Variants in ANKRD40CL observed in about 807,000 individuals in gnomAD.
ANKRD40CL encodes ANKRD40 C-terminal like, also known as putative ANKRD40 C-terminal-like protein.
For synonymous variants in ANKRD40CL, 5 were observed against 2.3 expected (o/e 2.14, Z -1.04); for missense variants, 11 against 6.4 (o/e 1.71, Z -0.77).
chr17:50,762,622 G>T (rs561640725), intron 3 of ANKRD40CL, among the ~76,000 whole-genome samples: 3 of 152,060 alleles, frequency 2.0e-5, no homozygotes, highest in South Asian at 4.2e-4. Flanking sequence ...AAGCTTTAAA[G>T]AAAAATTTCC....
chr17:50,767,325 A>T (rs1362808237), intron 1 of ANKRD40CL, 138 bp downstream of exon 1: 1 of 379,756 alleles, frequency 2.6e-6, no homozygotes, highest in Non-Finnish European at 5.1e-6. Context: ...GGTAGCTTCT[A>T]CACCAGGGGT....
At chr17:50,762,798 G>A (rs2057774819) in intron 3 of ANKRD40CL, 1 of 150,358 alleles carries the variant, frequency 6.7e-6, no homozygotes, top group African/African-American at 2.4e-5. Context: ...TTTTTTTCCT[G>A]AGGACTATGC....
At chr17:50,763,781 T>A (rs1003416617) in intron 2 of ANKRD40CL, 10 of 384,884 alleles carry the variant, frequency 2.6e-5, no homozygotes, top group Non-Finnish European at 4.6e-5. Flanking sequence ...CCCCATTATA[T>A]CCACTGAAGA....
At chr17:50,764,035 C>A (rs1019897800) in intron 2 of ANKRD40CL, 21 of 396,986 alleles carry the variant, frequency 5.3e-5, no homozygotes, top group Non-Finnish European at 6.2e-5. Flanking sequence ...ATTCTACCAT[C>A]TTTCAGGACA....
chr17:50,761,613 G>GT (rs375103532), intron 3 of ANKRD40CL, 107 bp from the exon 4 acceptor site: 57 of 372,632 alleles, frequency 1.5e-4, no homozygotes, highest in East Asian at 3.0e-4. Context: ...ATAAGGTATT[G>GT]TTTTTTTTGA....
intron 2 of ANKRD40CL, chr17:50,765,056 G>A (rs1288517649): frequency 6.6e-6 from 1 of 152,164 alleles, no homozygotes; most frequent in Admixed American, 6.6e-5. Flanking sequence ...AGAGAGCATG[G>A]GGGGACTGAG....
At chr17:50,765,872 G>A (rs1440693516) in intron 2 of ANKRD40CL, among the ~76,000 whole-genome samples, 2 of 152,182 alleles carry the variant, frequency 1.3e-5, no homozygotes, top group African/African-American at 2.4e-5. Flanking sequence ...TATGAGCTGA[G>A]GCTCCAACTC....
At chr17:50,766,848 G>T (rs1971327566) in intron 2 of ANKRD40CL, 26 bp downstream of exon 2, 5 of 633,182 alleles carry the variant, frequency 7.9e-6, no homozygotes, top group South Asian at 1.8e-5. Context: ...TGAGGACCAT[G>T]TTGGGAACAG....
chr17:50,767,005 C>T lies in ANKRD40CL; in HGVS notation c.-92G>A, dbSNP rs1032511873. On this transcript the variant is annotated 5_prime_UTR_variant, in exon 2 of 4. The change creates a new upstream start codon in the 5' untranslated region. Coordinates refer to ENST00000450727, the MANE Select transcript of ANKRD40CL (RefSeq NM_001358683.3). Reference sequence around the variant, plus strand: ...AAAAGCACTTTCTACAGCCTCAGCACATCTGTCTGCAAGGTAACAACAGTG... The same window carrying T: ...AAAAGCACTTTCTACAGCCTCAGCATATCTGTCTGCAAGGTAACAACAGTG... The T allele has an allele frequency of 2.8e-6, 2 of 702,252 alleles. No individual in the cohort carries two copies. The highest frequency in any genetic ancestry group is 5.2e-6 in the Non-Finnish European group (2 of 384,932). The allele number at this position is 702,252 out of a possible 1,614,324, so 43.5% of individuals were successfully genotyped here.
At chr17:50,763,804 A>G (rs1971248913) in intron 2 of ANKRD40CL, 3 of 379,698 alleles carry the variant, frequency 7.9e-6, no homozygotes, top group East Asian at 3.8e-5. Context: ...GAAAGCTTGC[A>G]GCTTTAAGCC....
chr17:50,764,540 A>G (rs1052235564), intron 2 of ANKRD40CL: 3 of 263,946 alleles, frequency 1.1e-5, no homozygotes, highest in African/African-American at 6.6e-5. Flanking sequence ...TTACTTAAAT[A>G]TTTTTGGCAC....
At chr17:50,766,593 T>G in intron 2 of ANKRD40CL, 1 of 399,194 alleles carries the variant, frequency 2.5e-6, no homozygotes, top group South Asian at 8.2e-5. Context: ...CCTCACCAGA[T>G]TGTAAGAAGT....
At chr17:50,765,238 A>G (rs1048022253) in intron 2 of ANKRD40CL, among the ~76,000 whole-genome samples, 4 of 152,390 alleles carry the variant, frequency 2.6e-5, no homozygotes, top group Non-Finnish European at 5.9e-5. Context: ...TATTATTAAA[A>G]TTAGTTTCAC....
intron 2 of ANKRD40CL, chr17:50,764,357 C>A: frequency 2.5e-6 from 1 of 397,630 alleles, no homozygotes; most frequent in Non-Finnish European, 4.4e-6. Flanking sequence ...AGCTTATCCT[C>A]CCCTTCTCAA....
intron 2 of ANKRD40CL, chr17:50,764,039 C>T (rs12453046): frequency 0.28 from 112,085 of 396,624 alleles, 16,255 homozygotes; most frequent in South Asian, 0.36. Flanking sequence ...TACCATCTTT[C>T]AGGACAGTGG....
chr17:50,767,238 AG>A lies in ANKRD40CL; in HGVS notation c.-99+224del, dbSNP rs772177099. Reference sequence around the variant, plus strand: ...CACCCGAGGGAATGGTGCCCTTCGGAGGGGAGGCCAGAGAGGCACAGCAGGC... The same window carrying A: ...CACCCGAGGGAATGGTGCCCTTCGGAGGGAGGCCAGAGAGGCACAGCAGGC... On this transcript the variant is annotated intron_variant, in intron 1 of 3. Transcript: ENST00000450727. 6.2e-4 allele frequency: 337 copies of A among 545,956 alleles called. 2 individuals are homozygous for A. Among genetic ancestry groups the A allele is most frequent in the Middle Eastern group, 5.6e-4 (2 of 3,574 alleles). 33.8% of individuals were successfully genotyped at this position (545,956 alleles called of 1,614,324 possible).
At chr17:50,762,128 C>T (rs781593789) in intron 3 of ANKRD40CL, among the ~76,000 whole-genome samples, 2 of 152,018 alleles carry the variant, frequency 1.3e-5, no homozygotes, top group African/African-American at 2.4e-5. Context: ...ACCATGTTGC[C>T]CAGGCTGGTC....
intron 3 of ANKRD40CL, chr17:50,763,131 G>A (rs534764888): frequency 3.3e-6 from 1 of 303,584 alleles, no homozygotes; most frequent in African/African-American, 2.1e-5. Flanking sequence ...TCTTGACCTT[G>A]TGATCTGCCC....
chr17:50,764,013 A>G (rs1971253129), intron 2 of ANKRD40CL: 1 of 396,056 alleles, frequency 2.5e-6, no homozygotes, highest in East Asian at 3.6e-5. Flanking sequence ...CCACTCCTCC[A>G]GAAATAGGAT....
Sources: gnomAD v4.1 joint callset for allele counts (sites outside exome capture counted in the v4.1 genomes callset) on GRCh38, gnomAD v4.1.1 for gene constraint, MANE v1.5 for transcripts, NCBI Gene and HGNC (gene_info 2026-07-23, HGNC 2026-07-21) for gene names.